NELL1: variants seen among roughly 807,000 people sequenced by gnomAD.
NELL1 encodes neural EGFL like 1.
A neutral mutation model predicts 107.4 loss-of-function variants in NELL1; 76 were observed. The ratio of observed to expected loss-of-function variants is 0.71; its 90% CI spans 0.59 to 0.86. The LOEUF is 0.86. Ranked by LOEUF, NELL1 falls within the 40% of genes least tolerant of loss-of-function variation. The pLI, the probability that NELL1 is intolerant of heterozygous loss-of-function variation, is 0.00. For missense variants in NELL1, 1,024 were observed against 1,005.5 expected, an observed-to-expected ratio of 1.02 and a Z score of -0.25; for synonymous variants, 353 against 341.2, an observed-to-expected ratio of 1.03 and a Z score of -0.38.
chr11:20,947,736 CTAATGTTAGTTCTTATAA>C (rs1850993304), intron 11 of NELL1, among the ~76,000 whole-genome samples: 1 of 152,112 alleles, frequency 6.6e-6, no homozygotes. Flanking sequence ...TATAATAATG[CTAATGTTAGTTCTTATAA>C]TAATAACCAT....
intron 14 of NELL1, among the ~76,000 whole-genome samples, chr11:21,335,073 A>G (rs998705962): frequency 6.6e-6 from 1 of 152,042 alleles, no homozygotes; most frequent in African/African-American, 2.4e-5. Flanking sequence ...ATCAAATTCA[A>G]TTAAGGAAAA....
At chr11:20,905,008 T>A (rs1227543014) in intron 5 of NELL1, among the ~76,000 whole-genome samples, 2 of 151,422 alleles carry the variant, frequency 1.3e-5, no homozygotes, top group Non-Finnish European at 2.9e-5. Flanking sequence ...TTTAATTTTT[T>A]TTTTTTTTTT....
chr11:21,284,923 T>C (rs1208787609), intron 14 of NELL1: 1 of 226,640 alleles, frequency 4.4e-6, no homozygotes, highest in African/African-American at 2.2e-5. Flanking sequence ...CAAAACATCA[T>C]AGACCACATT....
chr11:21,521,122 TGTAA>T (rs1415358151), intron 15 of NELL1, among the ~76,000 whole-genome samples: 1 of 152,234 alleles, frequency 6.6e-6, no homozygotes, highest in Non-Finnish European at 1.5e-5. Context: ...CTCTTTTGAA[TGTAA>T]GTATTACAGC....
intron 16 of NELL1, among the ~76,000 whole-genome samples, chr11:21,552,283 A>G (rs1693072417): frequency 6.6e-6 from 1 of 151,670 alleles, no homozygotes; most frequent in Non-Finnish European, 1.5e-5. Flanking sequence ...AACTTAAAGT[A>G]TAATAATAAT....
chr11:21,248,715 C>T (rs917350460), intron 14 of NELL1, among the ~76,000 whole-genome samples: 57 of 152,278 alleles, frequency 3.7e-4, no homozygotes, highest in African/African-American at 1.3e-3. Context: ...GGGACCCACC[C>T]GTGCTCGCTT....
intron 12 of NELL1, among the ~76,000 whole-genome samples, chr11:21,100,038 A>G (rs12416881): frequency 0.26 from 38,970 of 151,414 alleles, 5,601 homozygotes; most frequent in African/African-American, 0.38. Flanking sequence ...TTTTTGAGAC[A>G]CAGAGTATTG....
Position 21,543,177 on chromosome 11 carries a change from T to C in NELL1, c.1786+8663T>C, listed in dbSNP as rs181142661. ...ACCCTACACATAAGATATTTTTTGG[T>C]TAAATAGCATGCCACCTTTCTTTGA... On this transcript the variant is annotated intron_variant, in intron 16 of 19. Transcript: ENST00000357134. 6.7e-4 allele frequency among the ~76,000 whole-genome samples: 102 copies of C among 152,194 alleles called. No homozygotes were observed. The East Asian group carries it at 0.014, about 21-fold the overall frequency.
chr11:21,097,931 T>C (rs1854689845), intron 12 of NELL1, among the ~76,000 whole-genome samples: 1 of 151,786 alleles, frequency 6.6e-6, no homozygotes, highest in African/African-American at 2.4e-5. Context: ...TTTGTGTTTT[T>C]TAAGAAAGAA....
intron 14 of NELL1, among the ~76,000 whole-genome samples, chr11:21,257,757 A>C (rs985615420): frequency 2.6e-5 from 4 of 152,012 alleles, no homozygotes; most frequent in Non-Finnish European, 5.9e-5. Context: ...AAAGAGAACC[A>C]GGAGTTGTGG....
At chr11:21,118,211 T>G (rs567998527) in intron 13 of NELL1, among the ~76,000 whole-genome samples, 16 of 152,012 alleles carry the variant, frequency 1.1e-4, no homozygotes, top group East Asian at 3.9e-4. Context: ...TTGAAATGTT[T>G]TCTGAAAGCA....
At chr11:21,295,650 A>G (rs1013125054) in intron 14 of NELL1, among the ~76,000 whole-genome samples, 1 of 152,064 alleles carries the variant, frequency 6.6e-6, no homozygotes, top group Admixed American at 6.6e-5. Flanking sequence ...TAATTTCTGC[A>G]GGAAGCTGAT....
rs199796807 is a variant in NELL1 at position 20,805,516 on chromosome 11, AT to A, written c.335+21690del. On this transcript the variant is annotated intron_variant, in intron 3 of 19. Coordinates refer to ENST00000357134, the MANE Select transcript of NELL1 (RefSeq NM_006157.5). The stretch of plus-strand genomic sequence containing the variant: ...ATAATGTCTTATAACCCATTATTTT[AT>A]TTTAATTATTATTATTTTTTGAGAT... Among the ~76,000 whole-genome samples, 766 of 151,994 alleles carry A rather than the reference AT, an allele frequency of 5.0e-3. 8 individuals are homozygous for A. The highest frequency in any genetic ancestry group is 0.018 in the African/African-American group (728 of 41,458).
chr11:20,981,073 G>A (rs954834130), intron 12 of NELL1, among the ~76,000 whole-genome samples: 1 of 152,164 alleles, frequency 6.6e-6, no homozygotes, highest in Non-Finnish European at 1.5e-5. Context: ...GGACTTTGTT[G>A]TTTTAAACTA....
At chr11:21,488,060 A>T (rs547468953) in intron 15 of NELL1, among the ~76,000 whole-genome samples, 344 of 151,916 alleles carry the variant, frequency 2.3e-3, no homozygotes, top group African/African-American at 7.9e-3. Flanking sequence ...TAAAGAGAGA[A>T]ACTGACTTCA....
chr11:20,765,365 G>A (rs1215500995), intron 2 of NELL1, among the ~76,000 whole-genome samples: 1 of 152,194 alleles, frequency 6.6e-6, no homozygotes, highest in Non-Finnish European at 1.5e-5. Context: ...TTTCTCCAAT[G>A]TCCTTCAGTA....
chr11:20,915,312 T>C (rs916650589), intron 5 of NELL1, among the ~76,000 whole-genome samples: 2 of 151,846 alleles, frequency 1.3e-5, no homozygotes, highest in Non-Finnish European at 2.9e-5. Context: ...TGAGGTCCTT[T>C]TACCATTCAT....
At chr11:20,924,118 G>A (rs1419548865) in intron 7 of NELL1, among the ~76,000 whole-genome samples, 1 of 152,212 alleles carries the variant, frequency 6.6e-6, no homozygotes, top group Non-Finnish European at 1.5e-5. Flanking sequence ...CTTAGAGAAA[G>A]TGTCAGGTAG....
At chr11:21,095,699 C>G (rs112958329) in intron 12 of NELL1, among the ~76,000 whole-genome samples, 57 of 152,208 alleles carry the variant, frequency 3.7e-4, no homozygotes, top group African/African-American at 1.3e-3. Context: ...CAGCCTCCAC[C>G]TCCTGGGTTC....
Sources: allele counts gnomAD v4.1 joint callset (sites outside exome capture counted in the v4.1 genomes callset), GRCh38; gene constraint gnomAD v4.1.1; transcripts MANE v1.5; gene names NCBI Gene and HGNC (gene_info 2026-07-23, HGNC 2026-07-21).